DST: variants seen among roughly 807,000 people sequenced by gnomAD.
DST encodes dystonin.
Under a neutral mutation model 875.2 loss-of-function variants are expected in DST, and 253 were observed. That is an observed-to-expected ratio of 0.29 (90% CI 0.26 to 0.32). The LOEUF (loss-of-function observed/expected upper bound fraction) is 0.32. Among genes scored for constraint, DST ranks in the 10% least tolerant of loss-of-function variants. DST has a pLI of 1.00. For missense variants in DST, 8,287 were observed against 9,111.6 expected, an observed-to-expected ratio of 0.91 and a Z score of 3.68; for synonymous variants, 3,124 against 3,197.1, an observed-to-expected ratio of 0.98 and a Z score of 0.77.
At chr6:56,576,973 T>C (rs191023324) in intron 50 of DST, among the ~76,000 whole-genome samples, 10 of 152,308 alleles carry the variant, frequency 6.6e-5, no homozygotes, top group Admixed American at 3.3e-4. Context: ...TTCTTAGTGA[T>C]AAAATATTGT....
chr6:56,683,378 T>C lies in DST; in HGVS notation c.1048-12571A>G, dbSNP rs191143649. ...CTAGTCTTGCTGTACCAAATATTATTGTACTCTCATTCCCAAAATGGTGTG... is the reference window on the plus strand; with the variant it reads ...CTAGTCTTGCTGTACCAAATATTATCGTACTCTCATTCCCAAAATGGTGTG... On this transcript the variant is annotated intron_variant, in intron 9 of 103. Transcript: ENST00000680361. Among the ~76,000 whole-genome samples the C allele has an allele frequency of 1.1e-4, 16 of 152,348 alleles. No homozygotes were observed. In the East Asian group the frequency reaches 2.5e-3, roughly 24 times the overall value.
At chr6:56,683,210 A>G (rs1388609080) in intron 9 of DST, among the ~76,000 whole-genome samples, 2 of 152,192 alleles carry the variant, frequency 1.3e-5, no homozygotes, top group African/African-American at 4.8e-5. Flanking sequence ...TATTATCTCT[A>G]GTCTAGATTG....
intron 61 of DST, among the ~76,000 whole-genome samples, chr6:56,545,615 T>A (rs1443968281): frequency 6.6e-6 from 1 of 152,152 alleles, no homozygotes; most frequent in Non-Finnish European, 1.5e-5. Context: ...AGTGCAACAA[T>A]GTACATCATA....
At chr6:56,882,255 A>AT (rs1326732716) in intron 3 of DST, among the ~76,000 whole-genome samples, 1 of 152,224 alleles carries the variant, frequency 6.6e-6, no homozygotes, top group African/African-American at 2.4e-5. Context: ...AATTATGAAA[A>AT]TTAGTAGCAT....
chr6:56,551,622 T>C (rs1030615350), intron 61 of DST, among the ~76,000 whole-genome samples: 4 of 149,014 alleles, frequency 2.7e-5, no homozygotes, highest in Non-Finnish European at 6.0e-5. Context: ...TGTCATGCAA[T>C]AAAAAAAAAA....
intron 3 of DST, among the ~76,000 whole-genome samples, chr6:56,874,349 T>C (rs1778732545): frequency 6.6e-6 from 1 of 152,062 alleles, no homozygotes; most frequent in African/African-American, 2.4e-5. Flanking sequence ...TTAAAAAAAA[T>C]CAATAGATAA....
chr6:56,557,613 T>A, intron 58 of DST, 95 bp from the exon 59 acceptor site: 1 of 908,482 alleles, frequency 1.1e-6, no homozygotes, highest in Non-Finnish European at 1.6e-6. Flanking sequence ...AAATGATATA[T>A]AATGGCTATA....
At position 56,605,952 on chromosome 6, in the gene DST, T is replaced by C. The variant is rs1222213038; in HGVS notation, c.8676A>G (p.Lys2892=). 2 of 1,612,786 alleles carry C rather than the reference T, an allele frequency of 1.2e-6. No individual in the cohort carries two copies. Among genetic ancestry groups the C allele is most frequent in the South Asian group, 2.2e-5 (2 of 91,060 alleles). Residue 2892 remains lysine, a synonymous_variant, in exon 40 of 104, where the codon AAA becomes AAG. Transcript: ENST00000680361. Reference sequence around the variant, plus strand: ...CAGTTGTATATTCTGGAAGGTTGCTTTTTTCAGTAACTAAGTTATTTTCAC... The same window carrying C: ...CAGTTGTATATTCTGGAAGGTTGCTCTTTTCAGTAACTAAGTTATTTTCAC... ...SPSENNLVTE[K]SNLPEYTTEI...
chr6:56,742,453 C>T, intron 4 of DST: 1 of 875,360 alleles, frequency 1.1e-6, no homozygotes, highest in Non-Finnish European at 1.6e-6. Context: ...GACACTCCTA[C>T]TTGCAAGCTG....
At chr6:56,534,262 C>T (rs1283974861) in intron 63 of DST, among the ~76,000 whole-genome samples, 2 of 151,994 alleles carry the variant, frequency 1.3e-5, no homozygotes, top group Non-Finnish European at 2.9e-5. Context: ...TTAACATAAT[C>T]CATCCTCTTC....
At chr6:56,892,306 C>G (rs1787954564) in intron 3 of DST, among the ~76,000 whole-genome samples, 1 of 151,646 alleles carries the variant, frequency 6.6e-6, no homozygotes, top group Admixed American at 6.6e-5. Context: ...ATCTGCTACC[C>G]AGCCAATTCC....
intron 49 of DST, among the ~76,000 whole-genome samples, chr6:56,586,814 C>A (rs1369501272): frequency 6.6e-6 from 1 of 152,180 alleles, no homozygotes; most frequent in Non-Finnish European, 1.5e-5. Flanking sequence ...CTGGAGTGGA[C>A]CTCTAGCAAA....
At chr6:56,802,032 G>A (rs910547862) in intron 4 of DST, among the ~76,000 whole-genome samples, 1 of 152,148 alleles carries the variant, frequency 6.6e-6, no homozygotes, top group Non-Finnish European at 1.5e-5. Flanking sequence ...TTACAGGCGT[G>A]AGCCACCACA....
At chr6:56,694,737 A>G (rs1035138326) in intron 9 of DST, among the ~76,000 whole-genome samples, 2 of 152,050 alleles carry the variant, frequency 1.3e-5, no homozygotes, top group African/African-American at 4.8e-5. Flanking sequence ...AATGTTGGAG[A>G]TGGGCCTAGT....
chr6:56,464,231 T>C (rs2094471884), intron 100 of DST: 1 of 284,174 alleles, frequency 3.5e-6, no homozygotes. Context: ...TTAAAGAATA[T>C]AATTACACAC....
chr6:56,690,003 C>T (rs934083593), intron 9 of DST, among the ~76,000 whole-genome samples: 4 of 152,168 alleles, frequency 2.6e-5, no homozygotes, highest in Admixed American at 2.6e-4. Context: ...TTCATTACTC[C>T]TTGTCTCCCA....
intron 72 of DST, among the ~76,000 whole-genome samples, chr6:56,513,557 T>C (rs1583606982): frequency 6.6e-6 from 1 of 151,458 alleles, no homozygotes; most frequent in Non-Finnish European, 1.5e-5. Flanking sequence ...AGAGGCAGGG[T>C]TTCTCCATGT....
chr6:56,619,597 T>C lies in DST; in HGVS notation c.4929+4933A>G, dbSNP rs1180077129. The C allele has an allele frequency of 6.2e-7, 1 of 1,614,022 alleles. No homozygotes were observed. The highest frequency in any genetic ancestry group is 1.7e-5 in the Admixed American group (1 of 60,020). ...CTACTTCTCTTTGTAGTTTCCCTTT[T>C]TCATGATTAAGAGATTCTAATTCTA... On this transcript the variant is annotated intron_variant, in intron 36 of 103. Coordinates refer to ENST00000680361, the MANE Select transcript of DST (RefSeq NM_001374736.1).
chr6:56,938,050 T>C (rs1813945696), intron 2 of DST, among the ~76,000 whole-genome samples: 1 of 151,282 alleles, frequency 6.6e-6, no homozygotes, highest in African/African-American at 2.4e-5. Flanking sequence ...CGAAAAATAT[T>C]CTAAAACTAG....
Sources: allele counts gnomAD v4.1 joint callset (sites outside exome capture counted in the v4.1 genomes callset), GRCh38; gene constraint gnomAD v4.1.1; transcripts MANE v1.5; gene names NCBI Gene and HGNC (gene_info 2026-07-23, HGNC 2026-07-21).